The following CALN1 variants were observed in gnomAD, a reference collection of about 807,000 sequenced individuals.
The protein encoded by CALN1 is calcium-binding protein 8.
Under a neutral mutation model 30.6 loss-of-function variants are expected in CALN1, and 17 were observed. That is an observed-to-expected ratio of 0.56 (90% CI 0.38 to 0.83). CALN1 has a LOEUF of 0.83. Ranked by LOEUF, CALN1 falls within the 40% of genes least tolerant of loss-of-function variation. CALN1 has a pLI of 0.00. For synonymous variants in CALN1, 156 were observed against 131.4 expected, an observed-to-expected ratio of 1.19 and a Z score of -1.28; for missense variants, 291 against 354.9, an observed-to-expected ratio of 0.82 and a Z score of 1.45.
chr7:72,433,042 C>G (rs1808025759), intron 1 of CALN1, among the ~76,000 whole-genome samples: 1 of 152,154 alleles, frequency 6.6e-6, no homozygotes, highest in African/African-American at 2.4e-5. Context: ...TCTTTAGGCT[C>G]AAGCGCAGAA....
rs778330428 is a variant in CALN1, at chr7:72,407,865, A to AG, written c.-74+4192dup. Among the ~76,000 whole-genome samples, 12 of 152,252 alleles carry AG rather than the reference A, an allele frequency of 7.9e-5. No individual in the cohort carries two copies. In the South Asian group the frequency reaches 1.2e-3, roughly 16 times the overall value. On this transcript the variant is annotated intron_variant, in intron 1 of 6. Transcript: ENST00000395275. ...ATCCACCACAGATGTAGCCTCACGGAGCTCAGAGAGTCAAGCTGGAAACTC... is the reference window on the plus strand; with the variant it reads ...ATCCACCACAGATGTAGCCTCACGGAGGCTCAGAGAGTCAAGCTGGAAACTC...
intron 1 of CALN1, among the ~76,000 whole-genome samples, chr7:72,445,140 AAC>A (rs1321334737): frequency 6.6e-6 from 1 of 151,812 alleles, no homozygotes; most frequent in Admixed American, 6.6e-5. Flanking sequence ...GACACAAAGG[AAC>A]AGTCTACTTA....
rs558149224 is a variant in CALN1, at chr7:72,336,612, G to A, written c.120-57802C>T. On this transcript the variant is annotated intron_variant, in intron 2 of 6. Coordinates refer to ENST00000395275, the MANE Select transcript of CALN1 (RefSeq NM_031468.4). ...GCACCAGGGCCCGCGACAGCCCGGG[G>A]GTTTGGACACCCTAGAGAGAAGCGA... 1.0e-5 allele frequency: 9 copies of A among 864,688 alleles called. No individual in the cohort carries two copies. In the Admixed American group the frequency reaches 1.9e-4, roughly 18 times the overall value. The allele number at this position is 864,688 out of a possible 1,614,324, so 53.6% of individuals were successfully genotyped here.
the CALN1 span, among the ~76,000 whole-genome samples, chr7:72,498,572 A>G: frequency 6.6e-6 from 1 of 152,222 alleles, no homozygotes. Context: ...GTTTATGTCC[A>G]GTAAAACTAT....
At chr7:72,105,245 T>G (rs1180861770) in intron 4 of CALN1, among the ~76,000 whole-genome samples, 1 of 152,188 alleles carries the variant, frequency 6.6e-6, no homozygotes, top group Non-Finnish European at 1.5e-5. Context: ...AGCTGCACTC[T>G]TAACTACAGC....
chr7:71,804,286 A>T (rs10950279), intron 6 of CALN1, among the ~76,000 whole-genome samples: 24,672 of 152,098 alleles, frequency 0.16, 2,918 homozygotes, highest in East Asian at 0.6. Context: ...AGGTGTGAGG[A>T]TCACTTGAAG....
chr7:71,926,813 G>C (rs1417242371), intron 5 of CALN1, among the ~76,000 whole-genome samples: 2 of 151,960 alleles, frequency 1.3e-5, no homozygotes, highest in African/African-American at 4.8e-5. Context: ...TTTCATCTCT[G>C]TTATTGTATT....
chr7:72,044,870 T>A (rs1446247059), intron 4 of CALN1, among the ~76,000 whole-genome samples: 1 of 152,080 alleles, frequency 6.6e-6, no homozygotes, highest in East Asian at 1.9e-4. Flanking sequence ...TCCTCCCACC[T>A]CAGCCTCCCA....
chr7:72,445,111 T>G (rs1808487926), intron 1 of CALN1, among the ~76,000 whole-genome samples: 4 of 137,938 alleles, frequency 2.9e-5, no homozygotes, highest in Non-Finnish European at 4.7e-5. Flanking sequence ...CACACAACAT[T>G]AAGTTGAAAA....
chr7:72,268,451 G>A (rs1272339563), intron 3 of CALN1, among the ~76,000 whole-genome samples: 2 of 152,210 alleles, frequency 1.3e-5, no homozygotes, highest in Non-Finnish European at 2.9e-5. Flanking sequence ...GAAGCAAAAT[G>A]TTAAAAGTGC....
chr7:72,234,234 G>C (rs1441242305), intron 3 of CALN1, among the ~76,000 whole-genome samples: 2 of 152,158 alleles, frequency 1.3e-5, no homozygotes, highest in Admixed American at 6.5e-5. Context: ...GAAAAGCTGC[G>C]ATCTCTGCTT....
chr7:72,154,666 C>G (rs537891050), intron 3 of CALN1, among the ~76,000 whole-genome samples: 1 of 152,228 alleles, frequency 6.6e-6, no homozygotes, highest in East Asian at 1.9e-4. Context: ...GTCCTAACCT[C>G]CAGCAGGGCT....
chr7:72,169,440 T>A (rs192599705), intron 3 of CALN1, among the ~76,000 whole-genome samples: 25 of 151,516 alleles, frequency 1.6e-4, no homozygotes, highest in African/African-American at 6.0e-4. Flanking sequence ...CTGTCTCAGC[T>A]TCCCAAGTAG....
At chr7:72,143,581 T>C (rs1319494305) in intron 3 of CALN1, among the ~76,000 whole-genome samples, 1 of 152,100 alleles carries the variant, frequency 6.6e-6, no homozygotes, top group Non-Finnish European at 1.5e-5. Flanking sequence ...ACTTCCCCAA[T>C]CTAGCAAGGC....
chr7:71,880,919 G>T (rs1792523876), intron 5 of CALN1, among the ~76,000 whole-genome samples: 1 of 152,086 alleles, frequency 6.6e-6, no homozygotes, highest in Non-Finnish European at 1.5e-5. Context: ...ATTATTCCTG[G>T]CTGTGTCTGT....
chr7:71,997,014 G>A (rs1799285743), intron 5 of CALN1, among the ~76,000 whole-genome samples: 2 of 152,082 alleles, frequency 1.3e-5, no homozygotes, highest in Admixed American at 6.5e-5. Context: ...GATTGCTTGA[G>A]GCCAGGAGTT....
chr7:72,462,308 C>T, the CALN1 span, among the ~76,000 whole-genome samples: 1 of 152,250 alleles, frequency 6.6e-6, no homozygotes, highest in African/African-American at 2.4e-5. Context: ...GCTTTGGCCT[C>T]CTGAATAGCT....
intron 2 of CALN1, 69 bp downstream of exon 2, chr7:72,403,182 C>T: frequency 7.9e-7 from 1 of 1,262,686 alleles, no homozygotes; most frequent in Non-Finnish European, 1.1e-6. Flanking sequence ...CCTCCTGGAC[C>T]CCGCGCCACC....
chr7:72,165,934 CA>C (rs1355252030), intron 3 of CALN1, among the ~76,000 whole-genome samples: 1 of 152,158 alleles, frequency 6.6e-6, no homozygotes, highest in Non-Finnish European at 1.5e-5. Flanking sequence ...ATGTTAGGAT[CA>C]ACCAACTATG....
Sources: gnomAD v4.1 joint callset for allele counts (sites outside exome capture counted in the v4.1 genomes callset) on GRCh38, gnomAD v4.1.1 for gene constraint, MANE v1.5 for transcripts, NCBI Gene and HGNC (gene_info 2026-07-23, HGNC 2026-07-21) for gene names.